The following CNTNAP4 variants were observed in gnomAD, a reference collection of about 807,000 sequenced individuals.
CNTNAP4 encodes contactin-associated protein-like 4.
CNTNAP4 carries 98 observed loss-of-function variants against 148.4 expected under a neutral mutation model. That is an observed-to-expected ratio of 0.66 (90% confidence interval 0.56 to 0.78). CNTNAP4 has a LOEUF of 0.78. Among genes scored for constraint, CNTNAP4 ranks in the 30% least tolerant of loss-of-function variants. The pLI, the probability that CNTNAP4 is intolerant of heterozygous loss-of-function variation, is 0.00. For synonymous variants in CNTNAP4, 730 were observed against 565.1 expected, an observed-to-expected ratio of 1.29 and a Z score of -4.14; for missense variants, 1,935 against 1,565.6, an observed-to-expected ratio of 1.24 and a Z score of -3.98.
In CNTNAP4 at chr16:76,553,344, C is replaced by T; in HGVS notation, c.3504C>T (p.Leu1168=). ...GTGCGCAGGGCTTCACAGGCTGCCT[C>T]TCTGCAGTGCAGCTCAGCCACGTGG... ...LAGAQGFTGC[L]SAVQLSHVAP... Residue 1168 remains leucine, a synonymous_variant, in exon 22 of 24, where the codon CTC becomes CTT. Coordinates refer to ENST00000611870, the MANE Select transcript of CNTNAP4 (RefSeq NM_033401.5). 1 of 1,613,048 alleles carries T rather than the reference C, an allele frequency of 6.2e-7. No individual in the cohort carries two copies.
In CNTNAP4 at chr16:76,467,506, A is replaced by T; in HGVS notation, c.1638A>T (p.Ser546=). The T allele has an allele frequency of 6.2e-7, 1 of 1,611,724 alleles. No homozygotes were observed. Among genetic ancestry groups the T allele is most frequent in the Non-Finnish European group, 8.5e-7 (1 of 1,179,008 alleles). Residue 546 remains serine (S), a synonymous_variant, in exon 10 of 24, where the codon TCA becomes TCT. Coordinates refer to ENST00000611870, the MANE Select transcript of CNTNAP4 (RefSeq NM_033401.5). The part of the protein sequence containing the change: ...LGNFSDLQID[S]CGISDRCLPN... The stretch of plus-strand genomic sequence containing the variant: ...ACTTCAGTGACCTTCAGATAGACTC[A>T]TGTGGCATCTCAGACAGGTAAGGGC...
At chr16:76,322,666 A>C (rs150907151) in intron 2 of CNTNAP4, among the ~76,000 whole-genome samples, 41 of 152,270 alleles carry the variant, frequency 2.7e-4, no homozygotes, top group African/African-American at 9.9e-4. Context: ...AAATTACAAA[A>C]ACACAGTGCT....
At chr16:76,366,276 G>T (rs12919539) in intron 3 of CNTNAP4, among the ~76,000 whole-genome samples, 41,182 of 151,676 alleles carry the variant, frequency 0.27, 6,084 homozygotes, top group Non-Finnish European at 0.34. Context: ...GCTCCTCTCT[G>T]TCTTCCCACC....
chr16:76,520,452 T>C (rs1052364149), intron 15 of CNTNAP4, among the ~76,000 whole-genome samples: 18 of 152,334 alleles, frequency 1.2e-4, no homozygotes, highest in Admixed American at 2.0e-4. Context: ...CAACATTTTC[T>C]GCCCATTTTG....
chr16:76,413,569 A>G (rs1480378140), intron 3 of CNTNAP4, among the ~76,000 whole-genome samples: 1 of 150,516 alleles, frequency 6.6e-6, no homozygotes, highest in Non-Finnish European at 1.5e-5. Context: ...CCAGTAAAAA[A>G]AAAACCCTCC....
At chr16:76,293,683 G>A (rs1011626350) in intron 1 of CNTNAP4, among the ~76,000 whole-genome samples, 4 of 152,054 alleles carry the variant, frequency 2.6e-5, no homozygotes, top group African/African-American at 9.7e-5. Flanking sequence ...ATAGCTCTTT[G>A]CTTGGAACTT....
chr16:76,364,816 C>T (rs2013911887), intron 3 of CNTNAP4, among the ~76,000 whole-genome samples: 1 of 152,048 alleles, frequency 6.6e-6, no homozygotes, highest in African/African-American at 2.4e-5. Context: ...TACAACTATT[C>T]TGTAGGTTGC....
chr16:76,460,127 G>C (rs551636707), intron 8 of CNTNAP4, among the ~76,000 whole-genome samples: 1 of 151,970 alleles, frequency 6.6e-6, no homozygotes, highest in East Asian at 2.0e-4. Context: ...TTTGTTCTGA[G>C]ATGGAGTTTC....
At chr16:76,469,103 A>G (rs1814173529) in intron 10 of CNTNAP4, among the ~76,000 whole-genome samples, 1 of 152,234 alleles carries the variant, frequency 6.6e-6, no homozygotes, top group South Asian at 2.1e-4. Context: ...GAACACTAAT[A>G]AATACTTCAT....
intron 1 of CNTNAP4, among the ~76,000 whole-genome samples, chr16:76,290,209 G>C (rs1959057840): frequency 6.6e-6 from 1 of 152,050 alleles, no homozygotes; most frequent in Non-Finnish European, 1.5e-5. Flanking sequence ...TACTGAGTAA[G>C]GAAGAACAAA....
intron 1 of CNTNAP4, among the ~76,000 whole-genome samples, chr16:76,291,369 G>A (rs1485522435): frequency 5.3e-5 from 8 of 152,120 alleles, no homozygotes; most frequent in South Asian, 2.1e-4. Flanking sequence ...CTGCCTGGTG[G>A]ACATGGGGGT....
intron 3 of CNTNAP4, among the ~76,000 whole-genome samples, chr16:76,406,672 A>G (rs911018985): frequency 6.6e-6 from 1 of 152,196 alleles, no homozygotes; most frequent in African/African-American, 2.4e-5. Flanking sequence ...ATACGAAGAC[A>G]GTTTTAGTGG....
At chr16:76,427,017 C>G (rs2079429066) in intron 3 of CNTNAP4, among the ~76,000 whole-genome samples, 1 of 152,168 alleles carries the variant, frequency 6.6e-6, no homozygotes. Flanking sequence ...AACCAAAAGA[C>G]ATCATAGCTT....
chr16:76,299,689 C>G (rs9934441), intron 1 of CNTNAP4, among the ~76,000 whole-genome samples: 1 of 152,036 alleles, frequency 6.6e-6, no homozygotes, highest in East Asian at 1.9e-4. Context: ...TAAAGACACA[C>G]GCACAGGTAT....
chr16:76,349,567 A>T (rs1273601933), intron 2 of CNTNAP4, among the ~76,000 whole-genome samples: 1 of 152,158 alleles, frequency 6.6e-6, no homozygotes, highest in Non-Finnish European at 1.5e-5. Flanking sequence ...ATTTCCTTAC[A>T]TTATTATAAT....
chr16:76,486,182 A>G (rs1174620273), intron 12 of CNTNAP4, among the ~76,000 whole-genome samples: 1 of 152,196 alleles, frequency 6.6e-6, no homozygotes, highest in Non-Finnish European at 1.5e-5. Flanking sequence ...TATTTCAGCC[A>G]TCTCTTATTC....
chr16:76,518,800 A>C (rs900828221), intron 15 of CNTNAP4, among the ~76,000 whole-genome samples: 9 of 152,134 alleles, frequency 5.9e-5, no homozygotes, highest in African/African-American at 2.2e-4. Context: ...TATTCCTTCT[A>C]TCTAACTGGA....
At chr16:76,489,664 TC>T in intron 12 of CNTNAP4, 21 bp from the exon 13 acceptor site, 14 of 1,399,352 alleles carry the variant, frequency 1.0e-5, no homozygotes, top group South Asian at 4.9e-5. Context: ...CCTCTCTTTC[TC>T]CCCCCATTTC....
At chr16:76,407,994 A>T (rs966753442) in intron 3 of CNTNAP4, among the ~76,000 whole-genome samples, 3 of 152,236 alleles carry the variant, frequency 2.0e-5, no homozygotes, top group Admixed American at 1.3e-4. Context: ...AGCGATCAAT[A>T]TCGAGGCAAG....
Sources: gnomAD v4.1 joint callset for allele counts (sites outside exome capture counted in the v4.1 genomes callset) on GRCh38, gnomAD v4.1.1 for gene constraint, MANE v1.5 for transcripts, NCBI Gene and HGNC (gene_info 2026-07-23, HGNC 2026-07-21) for gene names.